Variants in ATP10B observed in about 807,000 individuals in gnomAD.
The protein encoded by ATP10B is phospholipid-transporting ATPase VB.
A neutral mutation model predicts 141.2 loss-of-function variants in ATP10B; 122 were observed. The observed-to-expected ratio is 0.86, with a 90% CI of 0.75 to 1.00. The LOEUF (loss-of-function observed/expected upper bound fraction) is 1.00, where lower values mean the gene tolerates loss of function less well. ATP10B is among the 50% of genes least tolerant of loss of function. The pLI, the probability that ATP10B is intolerant of heterozygous loss-of-function variation, is 0.00. For missense variants in ATP10B, 1,876 were observed against 1,825.3 expected, an observed-to-expected ratio of 1.03 and a Z score of -0.51; for synonymous variants, 685 against 692.0, an observed-to-expected ratio of 0.99 and a Z score of 0.16.
At chr5:160,753,218 G>A (rs991133314) in intron 2 of ATP10B, among the ~76,000 whole-genome samples, 4 of 152,164 alleles carry the variant, frequency 2.6e-5, no homozygotes, top group African/African-American at 7.2e-5. Context: ...GTGAGGAAAC[G>A]TCGTTCCTCC....
the ATP10B span, among the ~76,000 whole-genome samples, chr5:160,881,787 G>T: frequency 2.0e-5 from 3 of 151,894 alleles, no homozygotes; most frequent in South Asian, 6.3e-4. Flanking sequence ...CTCCAGCCTG[G>T]GTGACAGAGC....
rs1186725490 is a variant in ATP10B at position 160,687,892 on chromosome 5, C to T, written c.183G>A (p.Glu61=). Residue 61 remains glutamate, a synonymous_variant, in exon 5 of 26, where the codon GAG becomes GAA. Transcript: ENST00000327245. ...TGTTGCCAGGGTATCTCCTGGAGAC[C>T]TCTTCCCAATCTTGATGGAATATGC... The part of the protein sequence containing the change: ...NNSIFHQDWE[E]VSRRYPGNRT... 1.9e-6 allele frequency: 3 copies of T among 1,614,010 alleles called. No homozygotes were observed. Among genetic ancestry groups the T allele is most frequent in the Non-Finnish European group, 2.5e-6 (3 of 1,180,032 alleles).
intron 12 of ATP10B, chr5:160,633,304 C>A (rs1759070594): frequency 6.6e-6 from 1 of 152,238 alleles, no homozygotes; most frequent in African/African-American, 2.4e-5. Context: ...AGACTTGGAA[C>A]CAACCCCAGT....
chr5:160,566,510 C>T (rs1754545768), intron 25 of ATP10B, among the ~76,000 whole-genome samples: 1 of 152,168 alleles, frequency 6.6e-6, no homozygotes, highest in Admixed American at 6.5e-5. Flanking sequence ...AAATAGGGGC[C>T]CCAAGAGGTG....
intron 3 of ATP10B, among the ~76,000 whole-genome samples, chr5:160,696,700 C>T (rs983765288): frequency 6.6e-6 from 1 of 152,070 alleles, no homozygotes; most frequent in Non-Finnish European, 1.5e-5. Flanking sequence ...CAAGTTTCTT[C>T]CCCTCAACAC....
chr5:160,921,403 G>T, the ATP10B span, among the ~76,000 whole-genome samples: 1 of 151,796 alleles, frequency 6.6e-6, no homozygotes, highest in African/African-American at 2.4e-5. Flanking sequence ...TAAGTGTACA[G>T]TTTGTGGCAT....
intron 2 of ATP10B, among the ~76,000 whole-genome samples, chr5:160,783,380 C>CATAT (rs202225620): frequency 1.9e-4 from 26 of 136,926 alleles, no homozygotes; most frequent in South Asian, 1.2e-3. Context: ...AGTATTTCAT[C>CATAT]ATATATATAT....
At chr5:160,643,883 G>T (rs1177976098) in intron 9 of ATP10B, among the ~76,000 whole-genome samples, 1 of 152,156 alleles carries the variant, frequency 6.6e-6, no homozygotes, top group Non-Finnish European at 1.5e-5. Context: ...CAAAACCACC[G>T]GGATGATTGA....
At chr5:160,722,078 C>T (rs1337327712) in intron 2 of ATP10B, among the ~76,000 whole-genome samples, 3 of 152,080 alleles carry the variant, frequency 2.0e-5, no homozygotes, top group Non-Finnish European at 2.9e-5. Context: ...ACGAGTGCTT[C>T]GTAGGAAGTA....
At chr5:160,793,177 A>C (rs1771707717) in intron 1 of ATP10B, among the ~76,000 whole-genome samples, 1 of 150,028 alleles carries the variant, frequency 6.7e-6, no homozygotes, top group African/African-American at 2.5e-5. Context: ...TATTTTTGCC[A>C]TTTGAAACTT....
intron 2 of ATP10B, among the ~76,000 whole-genome samples, chr5:160,749,404 C>CGGGA (rs1768006618): frequency 6.6e-6 from 1 of 152,160 alleles, no homozygotes; most frequent in Admixed American, 6.5e-5. Context: ...CTGGGGGGTT[C>CGGGA]ATGCCTCTTC....
At chr5:160,911,980 TA>T in the ATP10B span, among the ~76,000 whole-genome samples, 1 of 152,160 alleles carries the variant, frequency 6.6e-6, no homozygotes, top group Non-Finnish European at 1.5e-5. Flanking sequence ...AATATTTAAA[TA>T]AACACTTTGC....
Position 160,686,168 on chromosome 5 carries a change from G to A in ATP10B, c.381C>T (p.Phe127=), listed in dbSNP as rs190770337. Residue 127 remains phenylalanine (F), a synonymous_variant, in exon 6 of 26, where the codon TTC becomes TTT. Transcript: ENST00000327245. ...ITMLPLAIVL[F]VIMIKDGMED... Reference sequence around the variant, plus strand: ...CCATGCCATCCTTGATCATGATGACGAACAGGACAATGGCCAATGGTAACA... The same window carrying A: ...CCATGCCATCCTTGATCATGATGACAAACAGGACAATGGCCAATGGTAACA... 38 of 1,613,174 alleles carry A rather than the reference G, an allele frequency of 2.4e-5. No homozygotes were observed. In the Middle Eastern group the frequency reaches 5.0e-4, roughly 21 times the overall value.
At chr5:160,648,120 TAA>T in intron 8 of ATP10B, among the ~76,000 whole-genome samples, 1 of 152,308 alleles carries the variant, frequency 6.6e-6, no homozygotes, top group African/African-American at 2.4e-5. Flanking sequence ...TTTGCATCTA[TAA>T]AGTCTCAGAT....
At chr5:160,882,608 T>C in the ATP10B span, among the ~76,000 whole-genome samples, 1,905 of 151,960 alleles carry the variant, frequency 0.013, 37 homozygotes, top group African/African-American at 0.044. Context: ...AAAAAAGTCA[T>C]GATTTCTTCT....
At chr5:160,617,530 T>C (rs1047255303) in intron 16 of ATP10B, among the ~76,000 whole-genome samples, 14 of 152,002 alleles carry the variant, frequency 9.2e-5, no homozygotes, top group Admixed American at 7.2e-4. Flanking sequence ...ATATAAAAGG[T>C]CCCCAAATTT....
At chr5:160,922,526 C>T in the ATP10B span, among the ~76,000 whole-genome samples, 3 of 152,152 alleles carry the variant, frequency 2.0e-5, no homozygotes, top group Non-Finnish European at 2.9e-5. Context: ...CAAATTTTCA[C>T]CTGTGACTAC....
At chr5:160,638,926 A>T (rs538584659) in intron 10 of ATP10B, among the ~76,000 whole-genome samples, 1 of 152,128 alleles carries the variant, frequency 6.6e-6, no homozygotes, top group Non-Finnish European at 1.5e-5. Context: ...ATCAACTTAA[A>T]GGGCTCCAGA....
intron 3 of ATP10B, among the ~76,000 whole-genome samples, chr5:160,699,583 T>C (rs538497296): frequency 3.5e-4 from 54 of 152,292 alleles, no homozygotes; most frequent in Non-Finnish European, 6.9e-4. Context: ...GCTTCCTTAA[T>C]GGACTAGGCA....
Sources: gnomAD v4.1 joint callset for allele counts (sites outside exome capture counted in the v4.1 genomes callset) on GRCh38, gnomAD v4.1.1 for gene constraint, MANE v1.5 for transcripts, NCBI Gene and HGNC (gene_info 2026-07-23, HGNC 2026-07-21) for gene names.